The following GNA14 variants were observed in gnomAD, a reference collection of about 807,000 sequenced individuals.
GNA14 encodes the protein guanine nucleotide-binding protein subunit alpha-14.
Under a neutral mutation model 42.0 loss-of-function variants are expected in GNA14, and 50 were observed. That is an observed-to-expected ratio of 1.19 (90% CI 0.95 to 1.51). The LOEUF is 1.51. GNA14 is among the 40% of genes most tolerant of loss of function. The pLI is 0.00. For synonymous variants in GNA14, 173 were observed against 163.1 expected (o/e 1.06, Z -0.46); for missense variants, 473 against 446.2 (o/e 1.06, Z -0.54).
At chr9:77,578,776 G>A (rs1369031061) in intron 1 of GNA14, among the ~76,000 whole-genome samples, 1 of 152,168 alleles carries the variant, frequency 6.6e-6, no homozygotes, top group African/African-American at 2.4e-5. Context: ...TCCCTATGAA[G>A]AGGTAGGCTT....
At chr9:77,504,520 A>G (rs1347532341) in intron 2 of GNA14, among the ~76,000 whole-genome samples, 4 of 146,966 alleles carry the variant, frequency 2.7e-5, no homozygotes. Flanking sequence ...CTGAAAAAAT[A>G]TGATCTCCCT....
intron 2 of GNA14, among the ~76,000 whole-genome samples, chr9:77,505,249 A>G (rs530713186): frequency 1.3e-4 from 20 of 152,338 alleles, no homozygotes; most frequent in Admixed American, 7.2e-4. Context: ...TGAATAAGAA[A>G]CTATTTTTAA....
intron 1 of GNA14, among the ~76,000 whole-genome samples, chr9:77,644,861 T>C (rs1005557817): frequency 6.6e-6 from 1 of 152,214 alleles, no homozygotes; most frequent in Non-Finnish European, 1.5e-5. Flanking sequence ...TCCTGACACT[T>C]TCTCCCTATG....
At chr9:77,493,026 A>AATATATATATATATATATATATAT (rs1172872010) in intron 2 of GNA14, among the ~76,000 whole-genome samples, 2 of 51,712 alleles carry the variant, frequency 3.9e-5, no homozygotes, top group Non-Finnish European at 6.6e-5. Flanking sequence ...AAAAAAAAAA[A>AATATATATATATATATATATATAT]ATATATATAT....
chr9:77,603,600 G>A (rs762089439), intron 1 of GNA14, among the ~76,000 whole-genome samples: 1 of 152,070 alleles, frequency 6.6e-6, no homozygotes, highest in South Asian at 2.1e-4. Flanking sequence ...AAACTGAGAC[G>A]AGTTAAGAAT....
At chr9:77,550,239 A>T (rs890710382) in intron 1 of GNA14, among the ~76,000 whole-genome samples, 12 of 152,152 alleles carry the variant, frequency 7.9e-5, no homozygotes, top group Non-Finnish European at 1.5e-4. Flanking sequence ...CTCATTTCCA[A>T]CTTTTATCCA....
At chr9:77,630,105 GTTTT>G (rs994788882) in intron 1 of GNA14, among the ~76,000 whole-genome samples, 6 of 128,126 alleles carry the variant, frequency 4.7e-5, no homozygotes, top group East Asian at 2.2e-4. Context: ...TGTGGGGTTT[GTTTT>G]TTGTTTTTTT....
intron 1 of GNA14, among the ~76,000 whole-genome samples, chr9:77,563,669 T>A (rs1822919471): frequency 6.6e-6 from 1 of 152,184 alleles, no homozygotes; most frequent in African/African-American, 2.4e-5. Context: ...CTGCTGTTTT[T>A]TTAAACAAGA....
At chr9:77,471,931 C>T (rs113970575) in intron 2 of GNA14, among the ~76,000 whole-genome samples, 3 of 152,162 alleles carry the variant, frequency 2.0e-5, no homozygotes, top group African/African-American at 7.2e-5. Flanking sequence ...GTATTAACTG[C>T]ATCAGTAAGT....
intron 1 of GNA14, among the ~76,000 whole-genome samples, chr9:77,544,671 C>CAAA (rs397959672): frequency 3.4e-4 from 20 of 58,524 alleles, no homozygotes; most frequent in South Asian, 6.3e-4. Context: ...CACTGCATCT[C>CAAA]AAAAAAAAAA....
At chr9:77,591,048 T>C (rs1041266808) in intron 1 of GNA14, among the ~76,000 whole-genome samples, 4 of 152,194 alleles carry the variant, frequency 2.6e-5, no homozygotes, top group African/African-American at 9.7e-5. Context: ...TAAAGTCATC[T>C]CATTTTTAGT....
At chr9:77,632,487 G>A (rs1824113959) in intron 1 of GNA14, among the ~76,000 whole-genome samples, 1 of 152,316 alleles carries the variant, frequency 6.6e-6, no homozygotes, top group East Asian at 1.9e-4. Flanking sequence ...GGCTAAAAGA[G>A]CTGTAACACA....
chr9:77,577,877 G>A (rs1441684787), intron 1 of GNA14, among the ~76,000 whole-genome samples: 1 of 152,056 alleles, frequency 6.6e-6, no homozygotes, highest in Non-Finnish European at 1.5e-5. Context: ...CACCATTTAA[G>A]AGTTAGTATT....
chr9:77,579,096 C>T (rs962784008), intron 1 of GNA14, among the ~76,000 whole-genome samples: 4 of 152,190 alleles, frequency 2.6e-5, no homozygotes, highest in African/African-American at 9.6e-5. Flanking sequence ...TGTCTCTACC[C>T]AGGATCTCTG....
At chr9:77,501,047 C>T (rs1274689430) in intron 2 of GNA14, among the ~76,000 whole-genome samples, 7 of 152,094 alleles carry the variant, frequency 4.6e-5, no homozygotes, top group Non-Finnish European at 1.0e-4. Context: ...CTCCGCCTCC[C>T]GGGTTGAAGT....
At chr9:77,434,066 C>T (rs974644323) in intron 3 of GNA14, among the ~76,000 whole-genome samples, 3 of 152,188 alleles carry the variant, frequency 2.0e-5, no homozygotes, top group African/African-American at 7.2e-5. Flanking sequence ...CTAAGGAGAT[C>T]AGTCCCACTT....
rs1277358672 is a variant in GNA14, at chr9:77,475,908, G to A, written c.310-41386C>T. ...CCCAAAGATAGAGGGATGCAGGCAT[G>A]GTGGGCATATCCCCTTAGCCCCCTA... On this transcript the variant is annotated intron_variant, in intron 2 of 6. Transcript: ENST00000341700. Among the ~76,000 whole-genome samples the A allele has an allele frequency of 3.3e-5, 5 of 152,148 alleles. No individual in the cohort carries two copies. The East Asian group carries it at 7.7e-4, about 23-fold the overall frequency.
intron 1 of GNA14, among the ~76,000 whole-genome samples, chr9:77,641,104 GGAAGGAAGGAAGGAAGGAAGGA>G (rs1824258211): frequency 4.8e-4 from 1 of 2,076 alleles, no homozygotes; most frequent in African/African-American, 1.5e-3. Flanking sequence ...GGGGGGGGAA[GGAAGGAAGGAAGGAAGGAAGGA>G]AGGAAGGAAG....
At chr9:77,507,585 T>G (rs1215532936) in intron 2 of GNA14, among the ~76,000 whole-genome samples, 1 of 152,202 alleles carries the variant, frequency 6.6e-6, no homozygotes, top group Non-Finnish European at 1.5e-5. Context: ...CTGTTTTCAT[T>G]GAGTCTAACC....
Sources: gnomAD v4.1 joint callset for allele counts (sites outside exome capture counted in the v4.1 genomes callset) on GRCh38, gnomAD v4.1.1 for gene constraint, MANE v1.5 for transcripts, NCBI Gene and HGNC (gene_info 2026-07-23, HGNC 2026-07-21) for gene names.